The following NELL2 variants were observed in gnomAD, a reference collection of about 807,000 sequenced individuals.
NELL2 encodes the protein protein kinase C-binding protein NELL2.
A neutral mutation model predicts 109.6 loss-of-function variants in NELL2; 41 were observed. The ratio of observed to expected loss-of-function variants is 0.37; its 90% CI spans 0.29 to 0.49. The LOEUF is 0.49. Among genes scored for constraint, NELL2 ranks in the 20% least tolerant of loss-of-function variants. The probability of loss-of-function intolerance (pLI) is 0.98; values close to 1 mark genes in which losing one functional copy is unlikely to be tolerated. For missense variants in NELL2, 900 were observed against 1,008.3 expected (o/e 0.89, Z 1.45); for synonymous variants, 355 against 344.7 (o/e 1.03, Z -0.33).
At chr12:44,761,394 A>T (rs1941119349) in intron 9 of NELL2, among the ~76,000 whole-genome samples, 1 of 152,114 alleles carries the variant, frequency 6.6e-6, no homozygotes, top group Non-Finnish European at 1.5e-5. Context: ...AACAAACAAA[A>T]TTAAAAAACA....
chr12:44,773,034 T>C (rs755744403), intron 9 of NELL2, among the ~76,000 whole-genome samples: 7 of 152,244 alleles, frequency 4.6e-5, no homozygotes, highest in Admixed American at 6.5e-5. Context: ...AATGGTAAGA[T>C]GAGAATTGAA....
chr12:44,742,495 C>T lies in NELL2; in HGVS notation c.995-27754G>A, dbSNP rs375670826. On this transcript the variant is annotated intron_variant, in intron 9 of 19. Transcript: ENST00000429094. ...CGAGTTGAGAGAAGAAGGCTTCAGA[C>T]GATCAAACTACTCTGAGCTACAGGA... is the stretch of plus-strand genomic sequence containing the variant. Among the ~76,000 whole-genome samples, 27 of 152,202 alleles carry T rather than the reference C, an allele frequency of 1.8e-4. No individual in the cohort carries two copies. In the South Asian group the frequency reaches 2.1e-3, roughly 12 times the overall value.
chr12:44,729,564 T>TAAAA (rs71435985), intron 9 of NELL2, among the ~76,000 whole-genome samples: 87 of 62,196 alleles, frequency 1.4e-3, no homozygotes, highest in African/African-American at 3.9e-3. Flanking sequence ...CTGAATGAAT[T>TAAAA]AAAAAAAAAA....
chr12:44,576,242 C>T (rs902245723), intron 15 of NELL2, among the ~76,000 whole-genome samples: 9 of 152,354 alleles, frequency 5.9e-5, no homozygotes, highest in African/African-American at 1.9e-4. Context: ...TGGCCACTTT[C>T]GTAGTTGTGC....
chr12:44,723,959 T>A (rs1938930385), intron 9 of NELL2, among the ~76,000 whole-genome samples: 1 of 152,010 alleles, frequency 6.6e-6, no homozygotes, highest in Non-Finnish European at 1.5e-5. Flanking sequence ...ACTGCAGCAC[T>A]ATTCACGATA....
intron 13 of NELL2, among the ~76,000 whole-genome samples, chr12:44,659,959 C>A (rs1947679574): frequency 6.6e-6 from 1 of 152,084 alleles, no homozygotes; most frequent in Admixed American, 6.6e-5. Flanking sequence ...ATTTGAGGGG[C>A]CCTAAGAAAT....
At chr12:44,593,466 G>A (rs1381644774) in intron 15 of NELL2, among the ~76,000 whole-genome samples, 1 of 152,138 alleles carries the variant, frequency 6.6e-6, no homozygotes, top group Non-Finnish European at 1.5e-5. Flanking sequence ...ATGGTACTGT[G>A]TGTAACTTCA....
chr12:44,594,251 G>C (rs1944872980), intron 15 of NELL2, among the ~76,000 whole-genome samples: 1 of 151,804 alleles, frequency 6.6e-6, no homozygotes, highest in Non-Finnish European at 1.5e-5. Flanking sequence ...TAACAAACCT[G>C]CACCTTCTGT....
chr12:44,513,916 C>T (rs1199681454), intron 19 of NELL2, among the ~76,000 whole-genome samples: 1 of 148,668 alleles, frequency 6.7e-6, no homozygotes, highest in Non-Finnish European at 1.5e-5. Flanking sequence ...ACTTAGATAT[C>T]CAAAAAGCCC....
chr12:44,684,524 G>A (rs1252451833), intron 12 of NELL2, among the ~76,000 whole-genome samples: 1 of 151,806 alleles, frequency 6.6e-6, no homozygotes, highest in Non-Finnish European at 1.5e-5. Context: ...TGCCAATTTT[G>A]GATCTTTCCT....
chr12:44,870,830 A>C (rs923374645), intron 2 of NELL2, among the ~76,000 whole-genome samples: 1 of 152,180 alleles, frequency 6.6e-6, no homozygotes, highest in East Asian at 1.9e-4. Context: ...GCTGATGAGC[A>C]AACTTAACTT....
At chr12:44,607,444 A>AGTACTCTTTCCAAT (rs1945449050) in intron 14 of NELL2, among the ~76,000 whole-genome samples, 180 bp from the exon 15 acceptor site, 1 of 152,160 alleles carries the variant, frequency 6.6e-6, no homozygotes. Flanking sequence ...CTTGTAAAAC[A>AGTACTCTTTCCAAT]GTACTCTTTC....
rs920267469 is a variant in NELL2, at chr12:44,713,225, C to CAGAG, written c.1086+1421_1086+1424dup. ...ACACACACACACACACAGAGAGAGA[C>CAGAG]AGAGAGAGAGAGAGAGAGACAGAGA... On this transcript the variant is annotated intron_variant, in intron 10 of 19. Transcript: ENST00000429094. Among the ~76,000 whole-genome samples, 14 of 127,476 alleles carry CAGAG rather than the reference C, an allele frequency of 1.1e-4. No homozygotes were observed. The East Asian group carries it at 1.7e-3, about 15-fold the overall frequency. The allele number at this position is 127,476 out of a possible 152,430, so 83.6% of individuals were successfully genotyped here. A position where few individuals can be genotyped will look rare whatever the true frequency, so the allele number is the denominator to read the frequency against.
intron 12 of NELL2, among the ~76,000 whole-genome samples, chr12:44,679,272 T>C (rs1487559697): frequency 6.6e-6 from 1 of 152,108 alleles, no homozygotes; most frequent in African/African-American, 2.4e-5. Flanking sequence ...ACTGTCTGTT[T>C]CTGTTTCATT....
rs80185206 is a variant in NELL2 at position 44,757,158 on chromosome 12, A to G, written c.994+17589T>C. On this transcript the variant is annotated intron_variant, in intron 9 of 19. Coordinates refer to ENST00000429094, the MANE Select transcript of NELL2 (RefSeq NM_001145108.2). ...TCTCTCCCTTGGTCCTTGAAATCCA[A>G]TTACTATAGGCAACATATTCTACCT... Among the ~76,000 whole-genome samples, 186 of 152,232 alleles carry G rather than the reference A, an allele frequency of 1.2e-3. 5 individuals carry two copies. In the East Asian group the frequency reaches 0.033, roughly 27 times the overall value.
In NELL2 at chr12:44,816,085, T is replaced by C. The variant is rs1379064978; in HGVS notation, c.236A>G (p.Gln79Arg). 3 of 1,613,304 alleles carry C rather than the reference T, an allele frequency of 1.9e-6. No homozygotes were observed. Among genetic ancestry groups the C allele is most frequent in the South Asian group, 2.2e-5 (2 of 90,918 alleles). ...ASTATAEQFF[Q>R]KLRNKHEFTI... ...AAATTCATGTTTATTTCTCAGCTTCTGAAAAAACTGTTCAGCTGTAGCAGT... is the reference window on the plus strand; with the variant it reads ...AAATTCATGTTTATTTCTCAGCTTCCGAAAAAACTGTTCAGCTGTAGCAGT... The change falls in exon 3 of 20, where the codon CAG (glutamine) becomes CGG (arginine). Residue 79 changes from glutamine to arginine, a missense_variant. Around this residue, in one of 4 missense-constraint regions of NELL2, gnomAD observed 200 missense variants for 191.8 expected, o/e 1.04. Transcript: ENST00000429094.
At chr12:44,514,564 C>CT (rs139098979) in intron 19 of NELL2, among the ~76,000 whole-genome samples, 22,508 of 151,058 alleles carry the variant, frequency 0.15, 3,792 homozygotes, top group African/African-American at 0.42. Flanking sequence ...CTTACTGTGC[C>CT]AACTTATAAA....
At chr12:44,636,941 T>C (rs772382250) in intron 13 of NELL2, among the ~76,000 whole-genome samples, 6 of 152,100 alleles carry the variant, frequency 3.9e-5, no homozygotes, top group African/African-American at 7.2e-5. Flanking sequence ...CTTGTTATTG[T>C]TATATTCAGG....
chr12:44,630,362 G>T (rs1946408265), intron 13 of NELL2, among the ~76,000 whole-genome samples: 1 of 152,192 alleles, frequency 6.6e-6, no homozygotes, highest in Non-Finnish European at 1.5e-5. Context: ...AGAATTTTAA[G>T]TAGAGGAACT....
Sources: allele counts gnomAD v4.1 joint callset (sites outside exome capture counted in the v4.1 genomes callset), GRCh38; gene constraint gnomAD v4.1.1; regional missense constraint gnomAD v4.1.1; transcripts MANE v1.5; gene names NCBI Gene and HGNC (gene_info 2026-07-23, HGNC 2026-07-21).